The following AP3D1 variants were observed in gnomAD, a reference collection of about 807,000 sequenced individuals.
The protein encoded by AP3D1 is adaptor related protein complex 3 subunit delta 1.
AP3D1 carries 51 observed loss-of-function variants against 147.6 expected under a neutral mutation model. The observed-to-expected ratio is 0.35, with a 90% CI of 0.28 to 0.44. The LOEUF is 0.44. Among genes scored for constraint, AP3D1 ranks in the 20% least tolerant of loss-of-function variants. The pLI is 1.00. For missense variants in AP3D1, 1,421 were observed against 1,624.2 expected, an observed-to-expected ratio of 0.87 and a Z score of 2.15; for synonymous variants, 760 against 663.0, an observed-to-expected ratio of 1.15 and a Z score of -2.25.
chr19:2,152,259 T>C (rs905833096), upstream of AP3D1, among the ~76,000 whole-genome samples: 44 of 152,042 alleles, frequency 2.9e-4, 1 homozygote, highest in Non-Finnish European at 1.2e-4. Flanking sequence ...TCTGGAAACT[T>C]GGCCAGCCGT....
chr19:2,158,900 T>C (rs2019671068), intron 1 of AP3D1, among the ~76,000 whole-genome samples: 1 of 152,220 alleles, frequency 6.6e-6, no homozygotes. Flanking sequence ...CAAAATTAGT[T>C]TGGCCTGAGC....
At position 2,151,389 on chromosome 19, in the gene AP3D1, G is replaced by A. The variant is rs1386029704; in HGVS notation, c.-55C>T. On this transcript the variant is annotated 5_prime_UTR_variant, in exon 1 of 32. Transcript: ENST00000643116. ...AGGCCCGCGGCTGGGCGCCGTGAGG[G>A]GGCCCGGGGCCCGTGCCTGCCGCCC... The A allele has an allele frequency of 4.1e-6, 5 of 1,215,984 alleles. No homozygotes were observed. Among genetic ancestry groups the A allele is most frequent in the Non-Finnish European group, 5.3e-6 (5 of 943,474 alleles). 75.3% of individuals were successfully genotyped at this position (1,215,984 alleles called of 1,614,324 possible).
Position 2,121,832 on chromosome 19 carries a change from G to A in AP3D1, c.1003C>T (p.Pro335Ser), listed in dbSNP as rs997610414. 1 of 1,612,204 alleles carries A rather than the reference G, an allele frequency of 6.2e-7. No homozygotes were observed. Among genetic ancestry groups the A allele is most frequent in the East Asian group, 2.2e-5 (1 of 44,730 alleles). The change falls in exon 12 of 32, where the codon CCC becomes TCC. Residue 335 changes from proline to serine, a missense_variant. Pro to Ser is a moderately conservative substitution (Grantham distance 74). Around this residue, in one of 6 missense-constraint regions of AP3D1, gnomAD observed 310 missense variants for 388.1 expected, o/e 0.80. Coordinates refer to ENST00000643116, the MANE Select transcript of AP3D1 (RefSeq NM_001261826.3). Reference sequence around the variant, plus strand: ...TCCTTGTGGGACTGCACGGACTTGGGGTGGGTCTTCAGGATCTTGGACATT... The same window carrying A: ...TCCTTGTGGGACTGCACGGACTTGGAGTGGGTCTTCAGGATCTTGGACATT... ...LAMSKILKTHPKSVQSHKDLI... is the reference protein window; with the variant it reads ...LAMSKILKTHSKSVQSHKDLI...
intron 2 of AP3D1, 75 bp from the exon 3 acceptor site, chr19:2,137,882 G>T: frequency 7.2e-7 from 1 of 1,380,846 alleles, no homozygotes; most frequent in Non-Finnish European, 1.0e-6. Context: ...GGCATCAAGC[G>T]CTCCCTCCCA....
chr19:2,140,237 C>T (rs1000413707), intron 1 of AP3D1, among the ~76,000 whole-genome samples: 3 of 152,264 alleles, frequency 2.0e-5, no homozygotes, highest in South Asian at 4.1e-4. Flanking sequence ...TGTCAAACGG[C>T]GCGGCTGCTG....
chr19:2,121,119 GGC>G, intron 13 of AP3D1, 27 bp from the exon 14 acceptor site: 2 of 1,613,600 alleles, frequency 1.2e-6, no homozygotes, highest in Non-Finnish European at 1.7e-6. Context: ...GTGAGTGAGC[GGC>G]GCCACGGAAC....
At chr19:2,117,403 C>T (rs557603480) in intron 15 of AP3D1, 36 bp from the exon 16 acceptor site, 2 of 1,532,962 alleles carry the variant, frequency 1.3e-6, no homozygotes, top group South Asian at 1.2e-5. Flanking sequence ...TGGCACCTGC[C>T]CGGAAGGCCA....
chr19:2,140,272 A>G (rs1000422921), intron 1 of AP3D1, among the ~76,000 whole-genome samples: 1 of 152,022 alleles, frequency 6.6e-6, no homozygotes, highest in African/African-American at 2.4e-5. Flanking sequence ...GGGTTCCTCC[A>G]CGGTTCCATG....
At chr19:2,105,867 A>T (rs915483939) in intron 31 of AP3D1, among the ~76,000 whole-genome samples, 5 of 152,168 alleles carry the variant, frequency 3.3e-5, no homozygotes, top group African/African-American at 1.2e-4. Context: ...AGTCTGAGGC[A>T]GGCGGATCAG....
At chr19:2,137,939 A>C in intron 2 of AP3D1, 132 bp from the exon 3 acceptor site, 3 of 645,850 alleles carry the variant, frequency 4.6e-6, no homozygotes, top group African/African-American at 1.8e-5. Context: ...AAACCACCCA[A>C]TACGTACCCC....
upstream of AP3D1, among the ~76,000 whole-genome samples, chr19:2,156,371 T>C (rs1199081709): frequency 6.6e-6 from 1 of 152,116 alleles, no homozygotes; most frequent in East Asian, 1.9e-4. Context: ...CATCCATTCA[T>C]ACATACATAC....
rs1194903933 is a variant in AP3D1, at chr19:2,121,138, C to G, written c.1250+25G>C. ...GTGAGCGGCGCCACGGAACCCCCGG[C>G]CACACCCCTGGGAGCGGGACGCACC... On this transcript the variant is annotated intron_variant, in intron 13 of 31. Transcript: ENST00000643116. 1.9e-6 allele frequency: 3 copies of G among 1,613,686 alleles called. No homozygotes were observed. The African/African-American group carries it at 4.0e-5, about 22-fold the overall frequency.
At chr19:2,132,087 C>A (rs1421823865) in intron 5 of AP3D1, among the ~76,000 whole-genome samples, 1 of 152,090 alleles carries the variant, frequency 6.6e-6, no homozygotes, top group East Asian at 1.9e-4. Flanking sequence ...GGGGGCGTAG[C>A]CTTTGACAAG....
At chr19:2,160,788 T>A (rs1040409444) in intron 1 of AP3D1, among the ~76,000 whole-genome samples, 1 of 152,136 alleles carries the variant, frequency 6.6e-6, no homozygotes, top group Non-Finnish European at 1.5e-5. Flanking sequence ...ACCACGGACA[T>A]CAGGGCCAGA....
chr19:2,140,325 G>A (rs546321424), intron 1 of AP3D1, among the ~76,000 whole-genome samples: 12 of 152,244 alleles, frequency 7.9e-5, no homozygotes, highest in Admixed American at 2.6e-4. Context: ...GCGTGCACCC[G>A]AGGGGATGGA....
intron 17 of AP3D1, 117 bp downstream of exon 17, chr19:2,116,488 C>T (rs1292479843): frequency 7.3e-7 from 1 of 1,361,608 alleles, no homozygotes; most frequent in Non-Finnish European, 9.7e-7. Flanking sequence ...CAGGGACGCC[C>T]ATGCCTCCAC....
At chr19:2,146,623 A>C (rs1017706384) in intron 1 of AP3D1, among the ~76,000 whole-genome samples, 6 of 151,920 alleles carry the variant, frequency 3.9e-5, no homozygotes, top group African/African-American at 1.5e-4. Context: ...AAAAAAAAAA[A>C]AAAAGCCGTA....
intron 1 of AP3D1, among the ~76,000 whole-genome samples, chr19:2,150,381 G>A (rs1309073422): frequency 6.6e-6 from 1 of 152,224 alleles, no homozygotes; most frequent in South Asian, 2.1e-4. Flanking sequence ...TGGCCACTCT[G>A]CCCATTCTTC....
At chr19:2,118,472 TG>T in intron 15 of AP3D1, 128 bp downstream of exon 15, 1 of 910,900 alleles carries the variant, frequency 1.1e-6, no homozygotes, top group Non-Finnish European at 1.6e-6. Flanking sequence ...CTGGCACAAG[TG>T]GCAACAAAAG....
Sources: allele counts gnomAD v4.1 joint callset (sites outside exome capture counted in the v4.1 genomes callset), GRCh38; gene constraint gnomAD v4.1.1; regional missense constraint gnomAD v4.1.1; transcripts MANE v1.5; gene names NCBI Gene and HGNC (gene_info 2026-07-23, HGNC 2026-07-21).